C11orf21: variants seen among roughly 807,000 people sequenced by gnomAD.
C11orf21 encodes uncharacterized protein C11orf21.
C11orf21 carries 19 observed loss-of-function variants against 15.2 expected under a neutral mutation model. The ratio of observed to expected loss-of-function variants is 1.25; its 90% CI spans 0.87 to 1.84. C11orf21 has a LOEUF of 1.84. C11orf21 is among the 40% of genes most tolerant of loss of function. The pLI, the probability that C11orf21 is intolerant of heterozygous loss-of-function variation, is 0.00. For synonymous variants in C11orf21, 62 were observed against 66.8 expected, an observed-to-expected ratio of 0.93 and a Z score of 0.35; for missense variants, 171 against 174.4, an observed-to-expected ratio of 0.98 and a Z score of 0.11.
chr11:2,298,464 C>A (rs1311905854), intron 3 of C11orf21, among the ~76,000 whole-genome samples: 1 of 152,242 alleles, frequency 6.6e-6, no homozygotes, highest in Non-Finnish European at 1.5e-5. Context: ...TGCCCTGCAG[C>A]CTGCCTTGTC....
chr11:2,298,174 C>G (rs1847573651), intron 3 of C11orf21, among the ~76,000 whole-genome samples: 1 of 152,212 alleles, frequency 6.6e-6, no homozygotes, highest in African/African-American at 2.4e-5. Flanking sequence ...CACCATATTC[C>G]TCATGCTGCT....
chr11:2,299,688 A>T lies in C11orf21; in HGVS notation c.167T>A (p.Met56Lys). Reference protein sequence around the residue: ...SRDQEAPGSMMPPAAAQPSAH... With the variant: ...SRDQEAPGSMKPPAAAQPSAH... ...GGAGGGTTGGGCAGCTGCAGGTGGC[A>T]TCATTGAGCCAGGGGCCTCCTGGTG... Residue 56 changes from methionine to lysine, a missense_variant, in exon 3 of 4, where the codon ATG (methionine) becomes AAG (lysine). By Grantham distance (95) the Met-to-Lys change is moderately conservative. Coordinates refer to ENST00000381153, the MANE Select transcript of C11orf21 (RefSeq NM_001329958.2). 6.4e-7 allele frequency: 1 copy of T among 1,551,006 alleles called. No homozygotes were observed. The highest frequency in any genetic ancestry group is 2.4e-5 in the East Asian group (1 of 40,902).
In C11orf21 at chr11:2,299,487, C is replaced by T. The variant is rs575636803; in HGVS notation, c.368G>A (p.Arg123Gln). The T allele has an allele frequency of 1.8e-5, 28 of 1,550,334 alleles. No homozygotes were observed. The highest frequency in any genetic ancestry group is 4.9e-5 in the East Asian group (2 of 40,914). The change falls in exon 3 of 4, where the codon CGG becomes CAG. Residue 123 changes from arginine (R) to glutamine (Q), a missense_variant. Coordinates refer to ENST00000381153, the MANE Select transcript of C11orf21 (RefSeq NM_001329958.2). ...AGPSSGKLCPRARRWQPLPS is the reference protein window; with the variant it reads ...AGPSSGKLCPQARRWQPLPS ...AGGTAGAGGCTGCCACCTCCTGGCC[C>T]GAGGACACAGCTTTCCAGAGGAGGG... is the stretch of plus-strand genomic sequence containing the variant.
At chr11:2,300,488 G>C (rs1335704785) in intron 2 of C11orf21, 32 bp downstream of exon 2, 2 of 1,398,490 alleles carry the variant, frequency 1.4e-6, no homozygotes, top group Non-Finnish European at 1.9e-6. Flanking sequence ...GCCCCCGCTG[G>C]TGGGGCACAG....
At chr11:2,301,665 A>G in intron 1 of C11orf21, 91 bp downstream of exon 1, 1 of 1,022,660 alleles carries the variant, frequency 9.8e-7, no homozygotes, top group East Asian at 2.6e-5. Context: ...CTCAATAATG[A>G]TGTTCCAAGG....
intron 3 of C11orf21, among the ~76,000 whole-genome samples, chr11:2,298,201 C>T (rs1043281393): frequency 1.6e-4 from 25 of 152,242 alleles, no homozygotes; most frequent in African/African-American, 6.0e-4. Context: ...TCCTCTGCAA[C>T]CTTGTGCCCC....
At position 2,297,433 on chromosome 11, in the gene C11orf21, C is replaced by T. The variant is rs1167998913; in HGVS notation, c.*517G>A. On this transcript the variant is annotated 3_prime_UTR_variant, in exon 4 of 4. Transcript: ENST00000381153. ...TGGTGAAGCCTGGCATTGGGGGGCA[C>T]CACCCATCTCCCTTCTTTGTCTCAC... The T allele has an allele frequency of 6.6e-6, 1 of 152,252 alleles. No homozygotes were observed. Among genetic ancestry groups the T allele is most frequent in the East Asian group, 1.9e-4 (1 of 5,192 alleles). The allele number at this position is 152,252 out of a possible 1,614,324, so 9.4% of individuals were successfully genotyped here.
intron 3 of C11orf21, among the ~76,000 whole-genome samples, chr11:2,298,441 G>T (rs1324953035): frequency 1.3e-5 from 2 of 152,328 alleles, no homozygotes; most frequent in Non-Finnish European, 2.9e-5. Context: ...CCAGGAATGG[G>T]GCAGGAAGCT....
chr11:2,301,648 A>G, intron 1 of C11orf21, 108 bp downstream of exon 1: 1 of 937,132 alleles, frequency 1.1e-6, no homozygotes, highest in Non-Finnish European at 1.6e-6. Flanking sequence ...GTGTTTCCTA[A>G]GAACACCTCA....
At chr11:2,300,412 G>T in intron 2 of C11orf21, 108 bp downstream of exon 2, 1 of 735,624 alleles carries the variant, frequency 1.4e-6, no homozygotes, top group Non-Finnish European at 2.2e-6. Context: ...ACTTCCTCTT[G>T]CAGAGGGAAT....
chr11:2,299,280 G>A (rs183173592), intron 3 of C11orf21, 148 bp downstream of exon 3: 20 of 808,482 alleles, frequency 2.5e-5, no homozygotes, highest in South Asian at 9.2e-5. Context: ...TCAGGTGCCC[G>A]CGTGGCCCCC....
At chr11:2,302,697 C>A, upstream of C11orf21, 1 of 674,600 alleles carries the variant, frequency 1.5e-6, no homozygotes, top group African/African-American at 1.8e-5. Context: ...GAGACCACTC[C>A]ACGGAAACAC....
intron 3 of C11orf21, among the ~76,000 whole-genome samples, chr11:2,298,225 T>A (rs1302790357): frequency 1.3e-5 from 2 of 152,234 alleles, no homozygotes; most frequent in African/African-American, 4.8e-5. Flanking sequence ...CAAGGGTCCC[T>A]GCACCTGTCC....
chr11:2,303,008 G>T (rs754360643), upstream of C11orf21: 6 of 1,533,932 alleles, frequency 3.9e-6, no homozygotes, highest in Non-Finnish European at 5.4e-6. Flanking sequence ...CGGGTGCAAG[G>T]GTGGCTGGCA....
intron 3 of C11orf21, among the ~76,000 whole-genome samples, chr11:2,298,301 A>T (rs2651838): frequency 0.63 from 95,582 of 152,130 alleles, 31,420 homozygotes; most frequent in African/African-American, 0.82. Context: ...CTGGCCTGAA[A>T]GGGGATGGGC....
upstream of C11orf21, chr11:2,303,078 G>A (rs550794098): frequency 5.4e-6 from 5 of 917,598 alleles, no homozygotes; most frequent in Non-Finnish European, 8.2e-6. Flanking sequence ...GGAGCCAGAG[G>A]TGGTCAGGGG....
chr11:2,300,689 G>C, intron 1 of C11orf21, 76 bp from the exon 2 acceptor site: 2 of 1,550,240 alleles, frequency 1.3e-6, no homozygotes, highest in Non-Finnish European at 1.7e-6. Context: ...CAGACCTGAT[G>C]AAGAGGTGTC....
At chr11:2,302,703 A>G, upstream of C11orf21, 1 of 688,274 alleles carries the variant, frequency 1.5e-6, no homozygotes, top group South Asian at 1.8e-5. Context: ...ACTCCACGGA[A>G]ACACCGGGAA....
chr11:2,300,785 C>T (rs1369682606), intron 1 of C11orf21, 172 bp from the exon 2 acceptor site: 2 of 1,550,260 alleles, frequency 1.3e-6, no homozygotes, highest in Non-Finnish European at 8.7e-7. Context: ...GCGAACCAGA[C>T]ATAGCCAAGA....
Sources: allele counts gnomAD v4.1 joint callset (sites outside exome capture counted in the v4.1 genomes callset), GRCh38; gene constraint gnomAD v4.1.1; transcripts MANE v1.5; gene names NCBI Gene and HGNC (gene_info 2026-07-23, HGNC 2026-07-21).